Variants in PCDH15 observed in about 807,000 individuals in gnomAD.
PCDH15 encodes the protein protocadherin-15.
A neutral mutation model predicts 178.5 loss-of-function variants in PCDH15; 129 were observed. That is an observed-to-expected ratio of 0.72 (90% confidence interval 0.63 to 0.84). The LOEUF (loss-of-function observed/expected upper bound fraction) is 0.84. Ranked by LOEUF, PCDH15 falls within the 40% of genes least tolerant of loss-of-function variation. The pLI, the probability that PCDH15 is intolerant of heterozygous loss-of-function variation, is 0.00. For missense variants in PCDH15, 2,230 were observed against 2,099.9 expected (o/e 1.06, Z -1.21); for synonymous variants, 800 against 732.0 (o/e 1.09, Z -1.50).
chr10:54,114,172 T>C (rs957687893), intron 15 of PCDH15, among the ~76,000 whole-genome samples: 1 of 152,206 alleles, frequency 6.6e-6, no homozygotes, highest in African/African-American at 2.4e-5. Context: ...ATTTTTTGAA[T>C]TTCTATAGTG....
At chr10:55,137,146 TAC>T (rs1450196929) in intron 2 of PCDH15, among the ~76,000 whole-genome samples, 1 of 152,302 alleles carries the variant, frequency 6.6e-6, no homozygotes, top group East Asian at 1.9e-4. Context: ...TCTTTACAAT[TAC>T]AGTCATGTAC....
chr10:55,127,077 TTC>T (rs1837920671), intron 2 of PCDH15, among the ~76,000 whole-genome samples: 1 of 152,086 alleles, frequency 6.6e-6, no homozygotes, highest in Non-Finnish European at 1.5e-5. Context: ...CTTAGCTACT[TTC>T]TGACTCTGCA....
chr10:54,753,245 C>T (rs1346058485), intron 1 of PCDH15, among the ~76,000 whole-genome samples: 1 of 151,868 alleles, frequency 6.6e-6, no homozygotes, highest in Admixed American at 6.6e-5. Flanking sequence ...GGGCAGTGGC[C>T]TGATCTCTGC....
chr10:54,482,883 G>T (rs913517294), intron 3 of PCDH15, among the ~76,000 whole-genome samples: 1 of 151,820 alleles, frequency 6.6e-6, no homozygotes, highest in African/African-American at 2.4e-5. Flanking sequence ...AATAGAGCTT[G>T]CATACTGACT....
At chr10:54,646,899 T>G (rs138073171) in intron 2 of PCDH15, among the ~76,000 whole-genome samples, 1 of 152,054 alleles carries the variant, frequency 6.6e-6, no homozygotes, top group Non-Finnish European at 1.5e-5. Context: ...GAATACAATA[T>G]GGTGCAGCTG....
chr10:55,575,645 C>G (rs776585556), intron 2 of PCDH15: 2 of 152,156 alleles, frequency 1.3e-5, no homozygotes, highest in Non-Finnish European at 2.9e-5. Flanking sequence ...GTAATTGCCA[C>G]TTACTATTTA....
chr10:55,562,897 ATC>A (rs1842228764), intron 2 of PCDH15, among the ~76,000 whole-genome samples: 1 of 151,956 alleles, frequency 6.6e-6, no homozygotes, highest in Non-Finnish European at 1.5e-5. Context: ...CACTGGCAAA[ATC>A]TCTCTGATAC....
At chr10:54,255,234 T>C (rs2056808039) in intron 8 of PCDH15, among the ~76,000 whole-genome samples, 2 of 152,220 alleles carry the variant, frequency 1.3e-5, no homozygotes, top group African/African-American at 2.4e-5. Context: ...TTCCTTCTTT[T>C]ACTTGTTTCT....
chr10:54,523,070 G>A (rs2083040158), intron 3 of PCDH15, among the ~76,000 whole-genome samples: 1 of 152,112 alleles, frequency 6.6e-6, no homozygotes, highest in Admixed American at 6.6e-5. Flanking sequence ...CAATATCATA[G>A]TTTCCAATGT....
chr10:55,114,408 A>G (rs1837581313), intron 2 of PCDH15, among the ~76,000 whole-genome samples: 1 of 152,206 alleles, frequency 6.6e-6, no homozygotes, highest in African/African-American at 2.4e-5. Context: ...TATACTTCCA[A>G]AAAGTAAGGA....
At chr10:54,680,611 C>G (rs565977272) in intron 1 of PCDH15, among the ~76,000 whole-genome samples, 13 of 152,206 alleles carry the variant, frequency 8.5e-5, no homozygotes, top group African/African-American at 3.1e-4. Flanking sequence ...AAGGGTGGGG[C>G]CAGGTGAAGA....
At chr10:54,557,545 C>T (rs1375556273) in intron 2 of PCDH15, among the ~76,000 whole-genome samples, 1 of 152,072 alleles carries the variant, frequency 6.6e-6, no homozygotes, top group Non-Finnish European at 1.5e-5. Context: ...GTCTTTAAAT[C>T]ATACTATCTG....
At chr10:55,358,749 G>A (rs1238682880) in intron 2 of PCDH15, among the ~76,000 whole-genome samples, 6 of 152,118 alleles carry the variant, frequency 3.9e-5, no homozygotes, top group South Asian at 4.2e-4. Context: ...CACTGACACC[G>A]CAACTACATT....
chr10:53,937,498 G>A (rs1177100904), intron 25 of PCDH15, among the ~76,000 whole-genome samples: 1 of 152,088 alleles, frequency 6.6e-6, no homozygotes, highest in Non-Finnish European at 1.5e-5. Flanking sequence ...AAAGATTTTA[G>A]AAACTCAAAG....
At chr10:54,559,363 C>T (rs1176615853) in intron 2 of PCDH15, among the ~76,000 whole-genome samples, 2 of 151,890 alleles carry the variant, frequency 1.3e-5, no homozygotes, top group Non-Finnish European at 2.9e-5. Context: ...ATTAATATAG[C>T]TTGGCTATAT....
chr10:55,029,338 G>A (rs903216047), intron 2 of PCDH15, among the ~76,000 whole-genome samples: 2 of 151,834 alleles, frequency 1.3e-5, no homozygotes, highest in African/African-American at 2.4e-5. Flanking sequence ...GAATATGCAT[G>A]TATATATATA....
intron 2 of PCDH15, among the ~76,000 whole-genome samples, chr10:54,611,687 T>C (rs2134251407): frequency 6.6e-6 from 1 of 151,924 alleles, no homozygotes; most frequent in South Asian, 2.1e-4. Context: ...ATGTAATTAC[T>C]CTGCATTTAA....
intron 2 of PCDH15, among the ~76,000 whole-genome samples, chr10:54,569,368 T>G (rs2089480670): frequency 6.6e-6 from 1 of 152,190 alleles, no homozygotes; most frequent in Admixed American, 6.6e-5. Context: ...CATAGAAATG[T>G]TCCTTTATCA....
At chr10:55,464,625 A>AAT (rs201924826) in intron 2 of PCDH15, among the ~76,000 whole-genome samples, 12,081 of 62,072 alleles carry the variant, frequency 0.19, 616 homozygotes, top group Non-Finnish European at 0.22. Flanking sequence ...AATGGGAGTA[A>AAT]ATATATATAT....
Sources: allele counts gnomAD v4.1 joint callset (sites outside exome capture counted in the v4.1 genomes callset), GRCh38; gene constraint gnomAD v4.1.1; transcripts MANE v1.5; gene names NCBI Gene and HGNC (gene_info 2026-07-23, HGNC 2026-07-21).